DCAF4: variants seen among roughly 807,000 people sequenced by gnomAD.
The protein encoded by DCAF4 is DDB1- and CUL4-associated factor 4.
DCAF4 carries 37 observed loss-of-function variants against 60.9 expected under a neutral mutation model. The ratio of observed to expected loss-of-function variants is 0.61; its 90% CI spans 0.47 to 0.80. The LOEUF (loss-of-function observed/expected upper bound fraction) is 0.80, where lower values mean the gene tolerates loss of function less well. Among genes scored for constraint, DCAF4 ranks in the 30% least tolerant of loss-of-function variants. DCAF4 has a pLI of 0.00. For missense variants in DCAF4, 577 were observed against 650.0 expected (o/e 0.89, Z 1.22); for synonymous variants, 243 against 254.8 (o/e 0.95, Z 0.44).
chr14:72,928,931 C>A (rs1390532339), intron 1 of DCAF4, among the ~76,000 whole-genome samples: 1 of 151,984 alleles, frequency 6.6e-6, no homozygotes, highest in African/African-American at 2.4e-5. Context: ...GTTTTGGCCC[C>A]GTGCTAAGGC....
chr14:72,941,990 A>G (rs958270855), intron 5 of DCAF4, 166 bp downstream of exon 5: 2 of 645,318 alleles, frequency 3.1e-6, no homozygotes, highest in Middle Eastern at 2.5e-4. Flanking sequence ...GCTTAAACCC[A>G]CCCTGAGAAA....
At chr14:72,941,368 G>A (rs1005710114) in intron 4 of DCAF4, among the ~76,000 whole-genome samples, 2 of 152,198 alleles carry the variant, frequency 1.3e-5, no homozygotes, top group African/African-American at 4.8e-5. Flanking sequence ...AACATATTTT[G>A]TTGTCAAGGT....
At chr14:72,941,701 A>G (rs1176649663) in intron 4 of DCAF4, 44 bp from the exon 5 acceptor site, 3 of 1,581,270 alleles carry the variant, frequency 1.9e-6, no homozygotes, top group Non-Finnish European at 2.6e-6. Flanking sequence ...TCCCCTAACA[A>G]ATAAATCTTC....
Position 72,940,352 on chromosome 14 carries a change from T to C in DCAF4, c.326T>C (p.Leu109Pro). ...KEMESKRLRL[L>P]QEEDRRKKIA... ...ATGGAGAGCAAGAGACTGCGGCTGC[T>C]CCAGGAAGAAGACAGACGGAAAAAG... Residue 109 changes from leucine to proline, a missense_variant, in exon 4 of 14, where the codon CTC becomes CCC. Leu to Pro is a moderately conservative substitution (Grantham distance 98). Transcript: ENST00000358377. The C allele has an allele frequency of 1.2e-6, 2 of 1,612,414 alleles. No individual in the cohort carries two copies. The highest frequency in any genetic ancestry group is 1.7e-6 in the Non-Finnish European group (2 of 1,179,612).
At chr14:72,944,661 G>A (rs1156496498) in intron 6 of DCAF4, among the ~76,000 whole-genome samples, 3 of 152,110 alleles carry the variant, frequency 2.0e-5, no homozygotes, top group Admixed American at 1.3e-4. Flanking sequence ...GCATGGTGGT[G>A]TGTGCATATA....
intron 6 of DCAF4, among the ~76,000 whole-genome samples, chr14:72,943,736 G>A (rs547335884): frequency 6.6e-6 from 1 of 152,298 alleles, no homozygotes; most frequent in Non-Finnish European, 1.5e-5. Context: ...GACCACGTAA[G>A]AGCAGGGCCT....
chr14:72,958,112 CAA>C (rs1220489760), intron 13 of DCAF4: 157 of 150,358 alleles, frequency 1.0e-3, no homozygotes, highest in Admixed American at 2.8e-3. Context: ...GACCCTATCT[CAA>C]AAAAAAAAAA....
At chr14:72,956,879 C>A (rs1281923459) in intron 13 of DCAF4, 3 of 247,312 alleles carry the variant, frequency 1.2e-5, no homozygotes, top group Non-Finnish European at 2.4e-5. Flanking sequence ...CACATTTCCA[C>A]CAGAGGATGC....
chr14:72,929,249 G>A (rs1364329168), intron 1 of DCAF4, among the ~76,000 whole-genome samples: 1 of 152,228 alleles, frequency 6.6e-6, no homozygotes, highest in Non-Finnish European at 1.5e-5. Context: ...ACACCATTTT[G>A]GAGACCGGTG....
At chr14:72,960,610 A>C, downstream of DCAF4, 1 of 1,058,296 alleles carries the variant, frequency 9.4e-7, no homozygotes, top group African/African-American at 1.7e-5. Flanking sequence ...TCATGGTGGC[A>C]CAGGAAGGGA....
chr14:72,947,560 C>T (rs1228092842), intron 8 of DCAF4, among the ~76,000 whole-genome samples: 1 of 152,236 alleles, frequency 6.6e-6, no homozygotes, highest in Non-Finnish European at 1.5e-5. Context: ...GGGTTCACTA[C>T]ACAGACCCAG....
At chr14:72,944,223 G>A (rs1053025337) in intron 6 of DCAF4, among the ~76,000 whole-genome samples, 6 of 152,102 alleles carry the variant, frequency 3.9e-5, no homozygotes, top group Non-Finnish European at 8.8e-5. Context: ...CAAAGTTACC[G>A]TGACTCTGGC....
intron 1 of DCAF4, among the ~76,000 whole-genome samples, chr14:72,929,305 A>G (rs753246065): frequency 3.9e-5 from 6 of 152,194 alleles, no homozygotes; most frequent in Admixed American, 1.3e-4. Flanking sequence ...AGACTGTGAG[A>G]GAGAGCCGAC....
intron 3 of DCAF4, 145 bp from the exon 4 acceptor site, chr14:72,940,075 C>T (rs1433489009): frequency 3.2e-6 from 4 of 1,258,514 alleles, no homozygotes; most frequent in Non-Finnish European, 4.5e-6. Context: ...GAGCACAGTC[C>T]AGGATGTTGC....
Position 72,940,296 on chromosome 14 carries a change from C to G in DCAF4, c.270C>G (p.Pro90=), listed in dbSNP as rs781212988. Residue 90 remains proline (P), a synonymous_variant, in exon 4 of 14, where the codon CCC becomes CCG. Transcript: ENST00000358377. The part of the protein sequence containing the change: ...RLLPGHNNCN[P]LTKESIRQKE... ...TCCCTGGACATAACAACTGCAACCC[C>G]CTGACGAAAGAGAGCATCCGGCAGA... 1 of 1,614,144 alleles carries G rather than the reference C, an allele frequency of 6.2e-7. No homozygotes were observed. The highest frequency in any genetic ancestry group is 2.2e-5 in the East Asian group (1 of 44,870).
chr14:72,956,421 A>G lies in DCAF4; in HGVS notation c.1215A>G (p.Val405=). 3 of 1,613,348 alleles carry G rather than the reference A, an allele frequency of 1.9e-6. No homozygotes were observed. Among genetic ancestry groups the G allele is most frequent in the Admixed American group, 1.7e-5 (1 of 59,926 alleles). The change falls in exon 13 of 14, where the codon GTA becomes GTG. Residue 405 remains valine, a synonymous_variant. Transcript: ENST00000358377. ...KLWDLRTTKC[V]RQYEGHVNEY... is the part of the protein sequence containing the mutation. ...GGGACCTGAGGACCACGAAGTGCGT[A>G]AGGCAGTACGAAGGCCACGTGAATG...
At chr14:72,931,513 G>A (rs1166699485) in intron 1 of DCAF4, among the ~76,000 whole-genome samples, 3 of 152,076 alleles carry the variant, frequency 2.0e-5, no homozygotes, top group Non-Finnish European at 2.9e-5. Flanking sequence ...ATGTTTGGTT[G>A]CCTTTTCTTT....
At chr14:72,947,315 T>C in intron 8 of DCAF4, 124 bp downstream of exon 8, 1 of 1,123,058 alleles carries the variant, frequency 8.9e-7, no homozygotes, top group East Asian at 2.4e-5. Flanking sequence ...TGCACTTACA[T>C]CTCACGCTTT....
chr14:72,960,465 T>C (rs769534777), downstream of DCAF4: 105 of 227,254 alleles, frequency 4.6e-4, no homozygotes, highest in South Asian at 3.1e-4. Context: ...CTTAAATATA[T>C]TTAATCCGTC....
Sources: allele counts gnomAD v4.1 joint callset (sites outside exome capture counted in the v4.1 genomes callset), GRCh38; gene constraint gnomAD v4.1.1; transcripts MANE v1.5; gene names NCBI Gene and HGNC (gene_info 2026-07-23, HGNC 2026-07-21).